Variants in ARHGEF7 observed in about 807,000 individuals in gnomAD.
The protein encoded by ARHGEF7 is Rho guanine nucleotide exchange factor 7, also known as PAK-interacting exchange factor beta.
Under a neutral mutation model 109.8 loss-of-function variants are expected in ARHGEF7, and 33 were observed. The ratio of observed to expected loss-of-function variants is 0.30; its 90% CI spans 0.23 to 0.40. ARHGEF7 has a LOEUF of 0.40. ARHGEF7 is among the 10% of genes least tolerant of loss of function. The pLI, the probability that ARHGEF7 is intolerant of heterozygous loss-of-function variation, is 1.00. For missense variants in ARHGEF7, 938 were observed against 1,098.5 expected (o/e 0.85, Z 2.07); for synonymous variants, 458 against 424.6 (o/e 1.08, Z -0.97).
chr13:111,304,691 C>T lies in ARHGEF7; in HGVS notation c.*1578C>T. 6.6e-6 allele frequency: 1 copy of T among 152,378 alleles called. No individual in the cohort carries two copies. The allele number at this position is 152,378 out of a possible 1,614,324, so 9.4% of individuals were successfully genotyped here. ...TTACAGTCTCTGGTGCCCAGCAAGC[C>T]CCTTTGGCTTCCTTCCGTGACTGGT... On this transcript the variant is annotated 3_prime_UTR_variant, in exon 22 of 22. Transcript: ENST00000646102.
chr13:111,180,812 A>C (rs148644821), intron 2 of ARHGEF7, among the ~76,000 whole-genome samples: 7 of 152,362 alleles, frequency 4.6e-5, no homozygotes, highest in African/African-American at 1.7e-4. Context: ...TATATACTGT[A>C]GTGTCCATAA....
chr13:111,300,006 A>T (rs763955489), intron 19 of ARHGEF7, among the ~76,000 whole-genome samples: 1 of 152,150 alleles, frequency 6.6e-6, no homozygotes, highest in Admixed American at 6.5e-5. Flanking sequence ...TTAAGAAAAG[A>T]TTTTCTCCCT....
At chr13:111,175,069 C>G (rs1044081171) in intron 2 of ARHGEF7, among the ~76,000 whole-genome samples, 1 of 152,192 alleles carries the variant, frequency 6.6e-6, no homozygotes, top group Non-Finnish European at 1.5e-5. Flanking sequence ...AGCCTTTCCA[C>G]AAGGTAGATC....
intron 19 of ARHGEF7, among the ~76,000 whole-genome samples, chr13:111,298,061 G>A (rs1336499708): frequency 6.6e-6 from 1 of 152,236 alleles, no homozygotes; most frequent in African/African-American, 2.4e-5. Context: ...AGGACAACTG[G>A]ATAATTGGTG....
At chr13:111,260,308 A>G (rs1444232865) in intron 8 of ARHGEF7, among the ~76,000 whole-genome samples, 1 of 152,254 alleles carries the variant, frequency 6.6e-6, no homozygotes, top group Admixed American at 6.5e-5. Flanking sequence ...AGACTACCTT[A>G]TGGGATTTAA....
chr13:111,154,459 C>T (rs2076141964), intron 2 of ARHGEF7, among the ~76,000 whole-genome samples: 1 of 152,158 alleles, frequency 6.6e-6, no homozygotes, highest in African/African-American at 2.4e-5. Flanking sequence ...ATGGGCCAGC[C>T]CTCCGCCTGC....
chr13:111,230,312 C>A (rs2085859805), intron 5 of ARHGEF7, among the ~76,000 whole-genome samples: 1 of 152,196 alleles, frequency 6.6e-6, no homozygotes, highest in Non-Finnish European at 1.5e-5. Flanking sequence ...TGCTGCTTTT[C>A]TTAGGATAGT....
At chr13:111,139,686 A>T (rs2153355675) in intron 1 of ARHGEF7, among the ~76,000 whole-genome samples, 1 of 152,226 alleles carries the variant, frequency 6.6e-6, no homozygotes, top group East Asian at 1.9e-4. Flanking sequence ...TTAGGGGCAA[A>T]CCCAATTTGG....
chr13:111,115,883 G>C (rs2066711987), intron 1 of ARHGEF7, among the ~76,000 whole-genome samples, 192 bp downstream of exon 1: 1 of 150,430 alleles, frequency 6.6e-6, no homozygotes, highest in Non-Finnish European at 1.5e-5. Context: ...GGGGCAGGGG[G>C]AGGGGGCCGG....
intron 12 of ARHGEF7, 31 bp from the exon 13 acceptor site, chr13:111,277,553 TAAG>T (rs762189715): frequency 7.2e-7 from 1 of 1,381,600 alleles, no homozygotes; most frequent in Admixed American, 1.7e-5. Context: ...AGATGTTTTT[TAAG>T]AAATGTTTTG....
chr13:111,163,907 C>G (rs1458628123), intron 2 of ARHGEF7, among the ~76,000 whole-genome samples: 2 of 152,134 alleles, frequency 1.3e-5, no homozygotes, highest in Non-Finnish European at 2.9e-5. Flanking sequence ...GTAATTGATA[C>G]ATATTAATGA....
At chr13:111,227,152 C>G (rs908834561) in intron 5 of ARHGEF7, among the ~76,000 whole-genome samples, 8 of 152,198 alleles carry the variant, frequency 5.3e-5, no homozygotes, top group African/African-American at 1.7e-4. Context: ...TCTACCCTTG[C>G]TGAAGTGCCG....
chr13:111,275,564 G>T lies in ARHGEF7; in HGVS notation c.1305G>T (p.Glu435Asp). 6.2e-7 allele frequency: 1 copy of T among 1,614,052 alleles called. No individual in the cohort carries two copies. The highest frequency in any genetic ancestry group is 1.3e-5 in the African/African-American group (1 of 75,034). Reference sequence around the variant, plus strand: ...GTCAAGAAGTCCGGAAGAGGAAAGAGCTTGAGCTGCAGATCCTGACGGAAG... The same window carrying T: ...GTCAAGAAGTCCGGAAGAGGAAAGATCTTGAGCTGCAGATCCTGACGGAAG... Reference protein sequence around the residue: ...AQCQEVRKRKELELQILTEAI... With the variant: ...AQCQEVRKRKDLELQILTEAI... Residue 435 changes from glutamate (E) to aspartate (D), a missense_variant, in exon 12 of 22, where the codon GAG becomes GAT. Physicochemically the swap from Glu to Asp is conservative, Grantham distance 45. This residue lies in a region of ARHGEF7 where 585 missense variants were observed against 723.6 expected (regional missense o/e 0.81). Coordinates refer to ENST00000646102, the MANE Select transcript of ARHGEF7 (RefSeq NM_001354046.2).
At chr13:111,265,089 A>G (rs1357980843) in intron 8 of ARHGEF7, among the ~76,000 whole-genome samples, 3 of 135,740 alleles carry the variant, frequency 2.2e-5, no homozygotes, top group Non-Finnish European at 4.6e-5. Context: ...GTGCCATTAC[A>G]CTCCAGCCTG....
intron 21 of ARHGEF7, among the ~76,000 whole-genome samples, chr13:111,302,535 T>G (rs2093592753): frequency 6.6e-6 from 1 of 152,214 alleles, no homozygotes; most frequent in African/African-American, 2.4e-5. Context: ...GGCATCTGTT[T>G]GTGCATGCCT....
rs1187250694 is a variant in ARHGEF7, at chr13:111,303,948, C to G, written c.*835C>G. On this transcript the variant is annotated 3_prime_UTR_variant, in exon 22 of 22. Coordinates refer to ENST00000646102, the MANE Select transcript of ARHGEF7 (RefSeq NM_001354046.2). ...ACAACAAAATACACTGTTTTGTCTT[C>G]CCTCAAAGAGAGATCTTACTAGAAC... 1.3e-5 allele frequency: 2 copies of G among 152,156 alleles called. No homozygotes were observed. The highest frequency in any genetic ancestry group is 2.9e-5 in the Non-Finnish European group (2 of 68,048). 9.4% of individuals were successfully genotyped at this position (152,156 alleles called of 1,614,324 possible).
intron 1 of ARHGEF7, among the ~76,000 whole-genome samples, chr13:111,125,399 A>G (rs1470281638): frequency 1.0e-5 from 1 of 99,748 alleles, no homozygotes; most frequent in Non-Finnish European, 2.2e-5. Flanking sequence ...TTTTTTTTTT[A>G]GGGGCTGGTG....
At chr13:111,252,638 G>T (rs756538591) in intron 8 of ARHGEF7, among the ~76,000 whole-genome samples, 4 of 152,224 alleles carry the variant, frequency 2.6e-5, no homozygotes, top group Non-Finnish European at 5.9e-5. Context: ...AATATGTACA[G>T]TGAACTTCCA....
intron 21 of ARHGEF7, among the ~76,000 whole-genome samples, chr13:111,302,700 G>A (rs753216113): frequency 2.6e-5 from 4 of 152,160 alleles, no homozygotes; most frequent in Admixed American, 1.3e-4. Flanking sequence ...TGTCTCGTCC[G>A]CAGTTTCCAG....
Sources: allele counts gnomAD v4.1 joint callset (sites outside exome capture counted in the v4.1 genomes callset), GRCh38; gene constraint gnomAD v4.1.1; regional missense constraint gnomAD v4.1.1; transcripts MANE v1.5; gene names NCBI Gene and HGNC (gene_info 2026-07-23, HGNC 2026-07-21).